The following PCDHGB1 variants were observed in gnomAD, a reference collection of about 807,000 sequenced individuals.
PCDHGB1 encodes the protein protocadherin gamma subfamily B, 1.
PCDHGB1 carries 34 observed loss-of-function variants against 56.6 expected under a neutral mutation model. The ratio of observed to expected loss-of-function variants is 0.60; its 90% confidence interval spans 0.46 to 0.80. The LOEUF (loss-of-function observed/expected upper bound fraction) is 0.80. Among genes scored for constraint, PCDHGB1 ranks in the 30% least tolerant of loss-of-function variants. The pLI, the probability that PCDHGB1 is intolerant of heterozygous loss-of-function variation, is 0.00. For missense variants in PCDHGB1, 1,278 were observed against 1,204.6 expected, an observed-to-expected ratio of 1.06 and a Z score of -0.90; for synonymous variants, 561 against 505.9, an observed-to-expected ratio of 1.11 and a Z score of -1.46.
At position 141,477,966 on chromosome 5, in the gene PCDHGB1, G is replaced by T; in HGVS notation, c.2410-16841G>T. 1 of 1,614,118 alleles carries T rather than the reference G, an allele frequency of 6.2e-7. No individual in the cohort carries two copies. The highest frequency in any genetic ancestry group is 8.5e-7 in the Non-Finnish European group (1 of 1,180,036). On this transcript the variant is annotated intron_variant, in intron 1 of 3. Coordinates refer to ENST00000523390, the MANE Select transcript of PCDHGB1 (RefSeq NM_018922.3). This position sits in a 1 kb window ranked among gnomAD's most constrained non-coding sequence, Gnocchi z 4.9. ...AGTCTCTTGGGATCCCCTAACCAGA[G>T]CCTTTTTGCCATAGGGCTGCACACT...
In PCDHGB1 at chr5:141,357,565, G is replaced by A. The variant is rs766473131; in HGVS notation, c.2409+4896G>A. The A allele has an allele frequency of 1.1e-5, 17 of 1,614,184 alleles. No individual in the cohort carries two copies. In the Admixed American group the frequency reaches 2.5e-4, roughly 24 times the overall value. Reference sequence around the variant, plus strand: ...CAGCCGGGAGAGTTGTGAGAAAAGCGAGCCTCTTCTGATAACTCAGGATTT... The same window carrying A: ...CAGCCGGGAGAGTTGTGAGAAAAGCAAGCCTCTTCTGATAACTCAGGATTT... On this transcript the variant is annotated intron_variant, in intron 1 of 3. Transcript: ENST00000523390.
intron 1 of PCDHGB1, chr5:141,366,631 C>T (rs1330710940): frequency 3.7e-6 from 6 of 1,614,138 alleles, no homozygotes; most frequent in Non-Finnish European, 5.1e-6. Flanking sequence ...GGAAGAGTCA[C>T]CTGATCTTTC....
At chr5:141,428,100 G>A (rs1313410784) in intron 1 of PCDHGB1, 6 of 1,608,582 alleles carry the variant, frequency 3.7e-6, no homozygotes, top group East Asian at 2.2e-5. Context: ...GTCCTACCAC[G>A]TGCTGCAGGC....
At chr5:141,368,499 G>C (rs1391228187) in intron 1 of PCDHGB1, among the ~76,000 whole-genome samples, 2 of 152,070 alleles carry the variant, frequency 1.3e-5, no homozygotes, top group African/African-American at 2.4e-5. Context: ...TATACAGTAG[G>C]TGTCGACATT....
In PCDHGB1 at chr5:141,486,288, T is replaced by G. The variant is rs1181533037; in HGVS notation, c.2410-8519T>G. ...GAACCTGGCACTGTGGTGGCACTTA[T>G]CAGTGTGCAGGATCCAGACTCAGGG... On this transcript the variant is annotated intron_variant, in intron 1 of 3. Transcript: ENST00000523390. This position sits in a 1 kb window ranked among gnomAD's most constrained non-coding sequence, Gnocchi z 5.0. The G allele has an allele frequency of 6.2e-7, 1 of 1,613,996 alleles. No individual in the cohort carries two copies. The highest frequency in any genetic ancestry group is 1.7e-5 in the Admixed American group (1 of 60,000).
chr5:141,448,896 G>C (rs560617459), intron 1 of PCDHGB1, among the ~76,000 whole-genome samples: 5 of 152,302 alleles, frequency 3.3e-5, no homozygotes, highest in African/African-American at 1.2e-4. Context: ...AGTGAGCCGA[G>C]ATCGTGCCAC....
rs762312563 is a variant in PCDHGB1 at position 141,493,182 on chromosome 5, A to G, written c.2410-1625A>G. Among the ~76,000 whole-genome samples, 1 of 152,232 alleles carries G rather than the reference A, an allele frequency of 6.6e-6. No homozygotes were observed. The highest frequency in any genetic ancestry group is 2.4e-5 in the African/African-American group (1 of 41,460). The stretch of plus-strand genomic sequence containing the variant: ...TAGCTGATTGAGAGAAACTTACTAT[A>G]TAACTCCTTTGAGAACCTCATCTCA... On this transcript the variant is annotated intron_variant, in intron 1 of 3. Coordinates refer to ENST00000523390, the MANE Select transcript of PCDHGB1 (RefSeq NM_018922.3). The surrounding 1 kb of genome is among the most constrained non-coding windows in gnomAD (Gnocchi z 4.3).
chr5:141,423,116 C>T (rs374000303), intron 1 of PCDHGB1: 210 of 1,613,682 alleles, frequency 1.3e-4, no homozygotes, highest in Middle Eastern at 4.9e-4. Context: ...GTGCGTACAG[C>T]GCGGGCACTG....
At chr5:141,451,776 G>C (rs1279891846) in intron 1 of PCDHGB1, among the ~76,000 whole-genome samples, 1 of 152,078 alleles carries the variant, frequency 6.6e-6, no homozygotes, top group Non-Finnish European at 1.5e-5. Flanking sequence ...AGCTACTCAG[G>C]AGGCTGAGGC....
At chr5:141,492,954 A>G (rs2099745299) in intron 1 of PCDHGB1, among the ~76,000 whole-genome samples, 1 of 152,212 alleles carries the variant, frequency 6.6e-6, no homozygotes, top group Non-Finnish European at 1.5e-5. Context: ...TGACCAAACT[A>G]TCTGACACTC....
chr5:141,374,215 C>A (rs770866531), intron 1 of PCDHGB1: 22 of 1,613,838 alleles, frequency 1.4e-5, no homozygotes, highest in South Asian at 8.8e-5. Context: ...AAGGCTCCTT[C>A]GTAGGCAACA....
intron 1 of PCDHGB1, chr5:141,375,368 A>T (rs774708513): frequency 6.2e-7 from 1 of 1,613,754 alleles, no homozygotes; most frequent in Non-Finnish European, 8.5e-7. Context: ...GGACAAAGGA[A>T]CACCACCTCT....
At chr5:141,392,641 C>CGAA in intron 1 of PCDHGB1, 1 of 655,502 alleles carries the variant, frequency 1.5e-6, no homozygotes, top group Non-Finnish European at 2.5e-6. Flanking sequence ...TCACACCTCA[C>CGAA]GAAGACCCGC....
intron 1 of PCDHGB1, chr5:141,364,117 G>A: frequency 2.2e-6 from 1 of 453,996 alleles, no homozygotes; most frequent in Non-Finnish European, 3.8e-6. Flanking sequence ...TTAGGACTCT[G>A]AGTGTCGCTG....
intron 1 of PCDHGB1, chr5:141,415,170 C>T (rs781724309): frequency 3.7e-6 from 6 of 1,613,878 alleles, no homozygotes; most frequent in South Asian, 2.2e-5. Flanking sequence ...TCACGCTCAC[C>T]GTGGCCGTGG....
chr5:141,477,361 G>A lies in PCDHGB1; in HGVS notation c.2410-17446G>A. The A allele has an allele frequency of 6.2e-7, 1 of 1,614,172 alleles. No individual in the cohort carries two copies. The highest frequency in any genetic ancestry group is 8.5e-7 in the Non-Finnish European group (1 of 1,180,032). Reference sequence around the variant, plus strand: ...TCACTTTGAAAACCAGTGCAGACCTGGATCGGGAGACTGTGCCAGAATACA... The same window carrying A: ...TCACTTTGAAAACCAGTGCAGACCTAGATCGGGAGACTGTGCCAGAATACA... On this transcript the variant is annotated intron_variant, in intron 1 of 3. Coordinates refer to ENST00000523390, the MANE Select transcript of PCDHGB1 (RefSeq NM_018922.3). The surrounding 1 kb of genome is among the most constrained non-coding windows in gnomAD (Gnocchi z 4.9).
At position 141,399,393 on chromosome 5, in the gene PCDHGB1, C is replaced by G. The variant is rs762678347; in HGVS notation, c.2409+46724C>G. 28 of 1,613,976 alleles carry G rather than the reference C, an allele frequency of 1.7e-5. No homozygotes were observed. In the Middle Eastern group the frequency reaches 2.8e-3, roughly 162 times the overall value. ...ACAATGTCACCATCACAGCCACAGA[C>G]AGGGGCAAGCCGCCCCTCTCCTCCA... On this transcript the variant is annotated intron_variant, in intron 1 of 3. Transcript: ENST00000523390.
At chr5:141,371,597 A>C (rs982667859) in intron 1 of PCDHGB1, 7 of 1,613,908 alleles carry the variant, frequency 4.3e-6, no homozygotes, top group Non-Finnish European at 5.9e-6. Flanking sequence ...CCAAAAACAC[A>C]TACAGGTTGG....
intron 1 of PCDHGB1, among the ~76,000 whole-genome samples, chr5:141,465,824 T>A (rs1447359333): frequency 6.6e-6 from 1 of 152,076 alleles, no homozygotes; most frequent in Non-Finnish European, 1.5e-5. Context: ...ATCACATTTG[T>A]TTAAAATTTC....
Sources: allele counts gnomAD v4.1 joint callset (sites outside exome capture counted in the v4.1 genomes callset), GRCh38; gene constraint gnomAD v4.1.1; non-coding constraint Gnocchi (gnomAD v3.1); transcripts MANE v1.5; gene names NCBI Gene and HGNC (gene_info 2026-07-23, HGNC 2026-07-21).